The following PLCB1 variants were observed in gnomAD, a reference collection of about 807,000 sequenced individuals.
The protein encoded by PLCB1 is phospholipase C beta 1.
In PLCB1, 46 loss-of-function variants were observed where a neutral mutation model predicts 161.8. The ratio of observed to expected loss-of-function variants is 0.28; its 90% CI spans 0.22 to 0.36. The LOEUF (loss-of-function observed/expected upper bound fraction) is 0.36, where lower values mean the gene tolerates loss of function less well. Ranked by LOEUF, PLCB1 falls within the 10% of genes least tolerant of loss-of-function variation. The pLI, the probability that PLCB1 is intolerant of heterozygous loss-of-function variation, is 1.00. For missense variants in PLCB1, 1,016 were observed against 1,472.5 expected (o/e 0.69, Z 5.07); for synonymous variants, 517 against 503.7 (o/e 1.03, Z -0.35).
Position 8,224,894 on chromosome 20 carries a change from A to C in PLCB1, c.177+74523A>C, listed in dbSNP as rs1600244826. Among the ~76,000 whole-genome samples, 4 of 152,262 alleles carry C rather than the reference A, an allele frequency of 2.6e-5. No individual in the cohort carries two copies. The East Asian group carries it at 7.7e-4, about 29-fold the overall frequency. On this transcript the variant is annotated intron_variant, in intron 2 of 31. Coordinates refer to ENST00000338037, the MANE Select transcript of PLCB1 (RefSeq NM_015192.4). ...TCATATACACGGAATCACAGTGTGT[A>C]CTCATTTATATCATGGCTTCTTCAG...
intron 1 of PLCB1, among the ~76,000 whole-genome samples, chr20:8,138,179 C>T (rs899032947): frequency 6.6e-6 from 1 of 152,200 alleles, no homozygotes; most frequent in Non-Finnish European, 1.5e-5. Context: ...CTAATATTTC[C>T]CCACCTATGG....
At chr20:8,787,477 T>A (rs1361523469) in intron 27 of PLCB1, among the ~76,000 whole-genome samples, 1 of 152,232 alleles carries the variant, frequency 6.6e-6, no homozygotes, top group Non-Finnish European at 1.5e-5. Context: ...TTGCCTTATA[T>A]GTTTTTGGGA....
At chr20:8,488,988 C>T (rs1460021842) in intron 3 of PLCB1, among the ~76,000 whole-genome samples, 1 of 152,140 alleles carries the variant, frequency 6.6e-6, no homozygotes, top group African/African-American at 2.4e-5. Flanking sequence ...GTTAAGAAGA[C>T]AAACGGAGAT....
chr20:8,315,845 C>A (rs1363266684), intron 2 of PLCB1, among the ~76,000 whole-genome samples: 1 of 152,116 alleles, frequency 6.6e-6, no homozygotes, highest in Non-Finnish European at 1.5e-5. Context: ...AAAGGGCAAC[C>A]GTAAGTGATG....
intron 3 of PLCB1, among the ~76,000 whole-genome samples, chr20:8,453,220 T>G (rs1981153014): frequency 6.6e-6 from 1 of 152,216 alleles, no homozygotes; most frequent in South Asian, 2.1e-4. Flanking sequence ...GTTCTCCTCC[T>G]CATATCACCA....
chr20:8,278,598 G>A (rs1474411350), intron 2 of PLCB1, among the ~76,000 whole-genome samples: 2 of 151,822 alleles, frequency 1.3e-5, no homozygotes, highest in Admixed American at 6.6e-5. Flanking sequence ...GTATAAAAGT[G>A]TTCAACATCA....
chr20:8,339,384 G>A (rs997358399), intron 2 of PLCB1, among the ~76,000 whole-genome samples: 10 of 152,114 alleles, frequency 6.6e-5, no homozygotes, highest in African/African-American at 2.4e-4. Context: ...TGATAGGCTG[G>A]GGACAGGAGG....
intron 1 of PLCB1, among the ~76,000 whole-genome samples, chr20:8,137,706 A>T (rs1249307953): frequency 1.3e-5 from 2 of 152,210 alleles, no homozygotes; most frequent in Non-Finnish European, 2.9e-5. Context: ...GTACCAGATC[A>T]AGAAACAGCA....
intron 3 of PLCB1, among the ~76,000 whole-genome samples, chr20:8,574,053 A>G (rs1430311225): frequency 6.6e-6 from 1 of 152,216 alleles, no homozygotes; most frequent in Admixed American, 6.5e-5. Flanking sequence ...AGTTTCCAGC[A>G]ATTAGTTTAC....
chr20:8,501,514 A>G (rs1600110340), intron 3 of PLCB1, among the ~76,000 whole-genome samples: 1 of 151,746 alleles, frequency 6.6e-6, no homozygotes, highest in South Asian at 2.1e-4. Flanking sequence ...ACCCTCTCCC[A>G]CCTCCTGTGG....
Position 8,851,783 on chromosome 20 carries a change from T to C in PLCB1, c.3424-29839T>C, listed in dbSNP as rs552004297. Among the ~76,000 whole-genome samples the C allele has an allele frequency of 1.5e-3, 221 of 152,108 alleles. 2 individuals carry two copies. The highest frequency in any genetic ancestry group is 5.0e-3 in the African/African-American group (209 of 41,490). On this transcript the variant is annotated intron_variant, in intron 31 of 31. Transcript: ENST00000338037. ...ATCATTTAGGAGACTCACACAAAAG[T>C]AAGAGAATCTTTCTAGGGAAATGTT...
intron 31 of PLCB1, among the ~76,000 whole-genome samples, chr20:8,849,689 T>A (rs912133135): frequency 6.6e-5 from 9 of 136,942 alleles, no homozygotes; most frequent in Non-Finnish European, 1.2e-4. Context: ...AAAATAAAAT[T>A]AAATTAAAAA....
intron 2 of PLCB1, among the ~76,000 whole-genome samples, chr20:8,198,949 C>G (rs1183717727): frequency 2.0e-5 from 3 of 148,668 alleles, no homozygotes; most frequent in Non-Finnish European, 4.5e-5. Context: ...GACAGACAGA[C>G]AGACACACAC....
intron 3 of PLCB1, among the ~76,000 whole-genome samples, chr20:8,379,209 T>C (rs1216842916): frequency 6.6e-6 from 1 of 152,158 alleles, no homozygotes; most frequent in Non-Finnish European, 1.5e-5. Context: ...GTGTTTGATT[T>C]TCTGTTCCTG....
At chr20:8,323,448 T>G (rs745674547) in intron 2 of PLCB1, among the ~76,000 whole-genome samples, 16 of 152,104 alleles carry the variant, frequency 1.1e-4, no homozygotes, top group Middle Eastern at 3.2e-3. Flanking sequence ...CTCAAAAGCT[T>G]CCTTCCCCAC....
At position 8,228,140 on chromosome 20, in the gene PLCB1, C is replaced by G. The variant is rs576254299; in HGVS notation, c.177+77769C>G. ...TGCCATTGCACTCCAGCCCTGGCGA[C>G]AGAAGTGAGACTCTGTCTCAAAATA... On this transcript the variant is annotated intron_variant, in intron 2 of 31. Transcript: ENST00000338037. 1.4e-4 allele frequency among the ~76,000 whole-genome samples: 21 copies of G among 151,502 alleles called. No individual in the cohort carries two copies. The South Asian group carries it at 4.4e-3, about 32-fold the overall frequency.
At chr20:8,575,907 A>C (rs1986660970) in intron 3 of PLCB1, among the ~76,000 whole-genome samples, 1 of 152,220 alleles carries the variant, frequency 6.6e-6, no homozygotes, top group South Asian at 2.1e-4. Flanking sequence ...CTGATTGATC[A>C]AACTCAGTAA....
chr20:8,611,185 C>T (rs1669650884), intron 3 of PLCB1, among the ~76,000 whole-genome samples: 2 of 151,820 alleles, frequency 1.3e-5, no homozygotes, highest in South Asian at 4.2e-4. Flanking sequence ...GTGCCAAGCT[C>T]TTTGTGAATG....
chr20:8,404,010 G>T (rs138164964), intron 3 of PLCB1, among the ~76,000 whole-genome samples: 1 of 152,088 alleles, frequency 6.6e-6, no homozygotes, highest in African/African-American at 2.4e-5. Context: ...AGTTAAATCA[G>T]GCTTGCTTTT....
Sources: gnomAD v4.1 joint callset for allele counts (sites outside exome capture counted in the v4.1 genomes callset) on GRCh38, gnomAD v4.1.1 for gene constraint, MANE v1.5 for transcripts, NCBI Gene and HGNC (gene_info 2026-07-23, HGNC 2026-07-21) for gene names.